The following ACYP2 variants were observed in gnomAD, a reference collection of about 807,000 sequenced individuals.
ACYP2 encodes the protein acylphosphatase 2.
A neutral mutation model predicts 11.2 loss-of-function variants in ACYP2; 12 were observed. That is an observed-to-expected ratio of 1.08 (90% CI 0.69 to 1.74). ACYP2 has a LOEUF of 1.74. ACYP2 is among the 40% of genes most tolerant of loss of function. ACYP2 has a pLI of 0.00. For synonymous variants in ACYP2, 43 were observed against 32.2 expected (o/e 1.33, Z -1.13); for missense variants, 134 against 101.9 (o/e 1.31, Z -1.35).
intron 6 of ACYP2, among the ~76,000 whole-genome samples, chr2:54,206,296 T>C (rs1191470414): frequency 6.6e-6 from 1 of 152,220 alleles, no homozygotes; most frequent in Non-Finnish European, 1.5e-5. Flanking sequence ...TGAATGACAT[T>C]GTGCATTAGA....
chr2:54,207,439 C>T (rs1199333327), intron 6 of ACYP2, among the ~76,000 whole-genome samples: 1 of 152,232 alleles, frequency 6.6e-6, no homozygotes, highest in Non-Finnish European at 1.5e-5. Context: ...CACCCACCCA[C>T]ATTATGGAGG....
At chr2:54,240,337 A>G (rs897101573) in intron 6 of ACYP2, among the ~76,000 whole-genome samples, 11 of 152,246 alleles carry the variant, frequency 7.2e-5, no homozygotes, top group Non-Finnish European at 1.3e-4. Context: ...AACAGACCTC[A>G]TGCAGGAATC....
intron 6 of ACYP2, among the ~76,000 whole-genome samples, chr2:54,173,046 C>G (rs1683283496): frequency 6.6e-6 from 1 of 152,146 alleles, no homozygotes; most frequent in South Asian, 2.1e-4. Flanking sequence ...TTTTATAATC[C>G]TTTGGTTATA....
At chr2:53,992,434 A>T (rs2104519825) in intron 2 of ACYP2, among the ~76,000 whole-genome samples, 1 of 152,326 alleles carries the variant, frequency 6.6e-6, no homozygotes, top group African/African-American at 2.4e-5. Flanking sequence ...GAATGAAAGT[A>T]CTGTGACTAA....
At position 54,221,346 on chromosome 2, in the gene ACYP2, T is replaced by G. The variant is rs959950920; in HGVS notation, c.404+82598T>G. Among the ~76,000 whole-genome samples the G allele has an allele frequency of 1.6e-4, 25 of 152,258 alleles. No individual in the cohort carries two copies. In the East Asian group the frequency reaches 4.6e-3, roughly 28 times the overall value. ...AGCTGACTGATATGACCATTACTAT[T>G]TCAAAAAGCACATCTATATATTTTC... On this transcript the variant is annotated intron_variant, in intron 6 of 6. Coordinates refer to ENST00000607452, the MANE Select transcript of ACYP2 (RefSeq NM_001320586.2).
intron 2 of ACYP2, among the ~76,000 whole-genome samples, chr2:53,984,482 C>A (rs1418422242): frequency 6.6e-6 from 1 of 151,592 alleles, no homozygotes; most frequent in Non-Finnish European, 1.5e-5. Context: ...GAGGCTGAGG[C>A]AGGATAATCT....
At chr2:54,215,758 T>G (rs1685533378) in intron 6 of ACYP2, among the ~76,000 whole-genome samples, 1 of 152,228 alleles carries the variant, frequency 6.6e-6, no homozygotes, top group Non-Finnish European at 1.5e-5. Context: ...TATATTTCCC[T>G]GTAATCATTA....
chr2:54,155,091 C>T (rs541478568), intron 6 of ACYP2, among the ~76,000 whole-genome samples: 6 of 152,210 alleles, frequency 3.9e-5, no homozygotes, highest in East Asian at 1.9e-4. Flanking sequence ...GTTGTTTGTT[C>T]GTACTAATCT....
chr2:54,064,656 G>C (rs1676646822), intron 4 of ACYP2, among the ~76,000 whole-genome samples: 1 of 152,164 alleles, frequency 6.6e-6, no homozygotes, highest in Non-Finnish European at 1.5e-5. Flanking sequence ...ATCATGCTAA[G>C]TGTTTTAATC....
At chr2:54,101,712 A>C (rs1313968585) in intron 4 of ACYP2, among the ~76,000 whole-genome samples, 1 of 150,636 alleles carries the variant, frequency 6.6e-6, no homozygotes, top group Non-Finnish European at 1.5e-5. Context: ...AGTGTGTGTA[A>C]TCTATCTTTC....
At chr2:54,245,698 T>C (rs574194559) in intron 6 of ACYP2, among the ~76,000 whole-genome samples, 56 of 147,666 alleles carry the variant, frequency 3.8e-4, no homozygotes, top group African/African-American at 1.3e-3. Flanking sequence ...CATTTGCCCA[T>C]TTTTTAATCA....
chr2:54,229,256 G>A (rs1014145962), intron 6 of ACYP2, among the ~76,000 whole-genome samples: 4 of 152,142 alleles, frequency 2.6e-5, no homozygotes, highest in African/African-American at 9.7e-5. Flanking sequence ...TGTGGAACAG[G>A]GAGATGAAGT....
chr2:54,045,507 T>C (rs1433886559), intron 2 of ACYP2, among the ~76,000 whole-genome samples: 4 of 152,144 alleles, frequency 2.6e-5, no homozygotes, highest in African/African-American at 9.7e-5. Flanking sequence ...AGGCTTGACA[T>C]TGAAAACTCA....
chr2:54,270,817 C>G (rs763255611), intron 6 of ACYP2, among the ~76,000 whole-genome samples: 1 of 152,144 alleles, frequency 6.6e-6, no homozygotes, highest in East Asian at 1.9e-4. Context: ...ATAAGTCACA[C>G]TTTCTTTGTT....
At chr2:54,043,364 T>C (rs938981442) in intron 2 of ACYP2, among the ~76,000 whole-genome samples, 3 of 152,110 alleles carry the variant, frequency 2.0e-5, no homozygotes, top group Non-Finnish European at 4.4e-5. Context: ...TACGGATGCA[T>C]TTTTGGTTAT....
intron 6 of ACYP2, among the ~76,000 whole-genome samples, chr2:54,278,160 A>C (rs1362883368): frequency 6.6e-6 from 1 of 152,024 alleles, no homozygotes; most frequent in Non-Finnish European, 1.5e-5. Context: ...TTGTGTTTTT[A>C]GTAGAGACAG....
chr2:54,200,265 ATG>A (rs1277037598), intron 6 of ACYP2, among the ~76,000 whole-genome samples: 1 of 152,116 alleles, frequency 6.6e-6, no homozygotes, highest in African/African-American at 2.4e-5. Flanking sequence ...ATGTGTTTAT[ATG>A]TGTGTGTACA....
intron 6 of ACYP2, among the ~76,000 whole-genome samples, chr2:54,208,846 C>T (rs886134017): frequency 6.6e-6 from 1 of 151,998 alleles, no homozygotes; most frequent in Admixed American, 6.6e-5. Flanking sequence ...ATTGTGTCCT[C>T]ATACCCAATT....
rs150394733 is a variant in ACYP2 at position 54,304,363 on chromosome 2, T to C, written c.405-325T>C. On this transcript the variant is annotated intron_variant, in intron 6 of 6. Transcript: ENST00000607452. Reference sequence around the variant, plus strand: ...TATTACTAAGCTCCTTATAAAAATATTTTGATCGTTTTGAGTATAAGAGCC... The same window carrying C: ...TATTACTAAGCTCCTTATAAAAATACTTTGATCGTTTTGAGTATAAGAGCC... Among the ~76,000 whole-genome samples the C allele has an allele frequency of 8.9e-4, 135 of 152,140 alleles. 1 individual carries two copies. In the East Asian group the frequency reaches 0.017, roughly 19 times the overall value.
Sources: gnomAD v4.1 joint callset for allele counts (sites outside exome capture counted in the v4.1 genomes callset) on GRCh38, gnomAD v4.1.1 for gene constraint, MANE v1.5 for transcripts, NCBI Gene and HGNC (gene_info 2026-07-23, HGNC 2026-07-21) for gene names.